Variants in MTHFD1L observed in about 807,000 individuals in gnomAD.
MTHFD1L encodes the protein methylenetetrahydrofolate dehydrogenase (NADP+ dependent) 1 like.
MTHFD1L carries 81 observed loss-of-function variants against 119.5 expected under a neutral mutation model. The ratio of observed to expected loss-of-function variants is 0.68; its 90% CI spans 0.57 to 0.82. MTHFD1L has a LOEUF of 0.82. Among genes scored for constraint, MTHFD1L ranks in the 40% least tolerant of loss-of-function variants. The probability of loss-of-function intolerance (pLI) is 0.00; values close to 1 mark genes in which losing one functional copy is unlikely to be tolerated. For synonymous variants in MTHFD1L, 430 were observed against 475.2 expected (o/e 0.90, Z 1.24); for missense variants, 1,125 against 1,253.4 (o/e 0.90, Z 1.55).
chr6:150,928,115 T>C (rs964600892), intron 11 of MTHFD1L, among the ~76,000 whole-genome samples: 1 of 152,078 alleles, frequency 6.6e-6, no homozygotes, highest in African/African-American at 2.4e-5. Context: ...AGTTCAATTA[T>C]TTATAACCAC....
At chr6:151,090,339 A>G (rs1259304397) in intron 26 of MTHFD1L, among the ~76,000 whole-genome samples, 1 of 152,176 alleles carries the variant, frequency 6.6e-6, no homozygotes, top group African/African-American at 2.4e-5. Context: ...TGAAGTGAGG[A>G]AGGGTGGCTG....
chr6:150,866,759 G>A (rs376286134), intron 1 of MTHFD1L: 1 of 969,306 alleles, frequency 1.0e-6, no homozygotes, highest in Non-Finnish European at 1.2e-6. Flanking sequence ...TTTTCTGCGG[G>A]CCCAGAGCGA....
At chr6:151,028,795 G>C (rs1329115658) in intron 24 of MTHFD1L, among the ~76,000 whole-genome samples, 1 of 152,186 alleles carries the variant, frequency 6.6e-6, no homozygotes, top group African/African-American at 2.4e-5. Context: ...GGTAAATTAG[G>C]CCAGGCATGG....
intron 9 of MTHFD1L, among the ~76,000 whole-genome samples, chr6:150,921,542 T>G (rs1239691231): frequency 6.6e-6 from 1 of 152,078 alleles, no homozygotes; most frequent in Non-Finnish European, 1.5e-5. Context: ...ATGAGCCACC[T>G]CACCTGGCCT....
chr6:151,022,673 G>C (rs181526156), intron 24 of MTHFD1L, among the ~76,000 whole-genome samples: 27 of 152,188 alleles, frequency 1.8e-4, no homozygotes, highest in African/African-American at 6.3e-4. Context: ...GACCTCCCCC[G>C]GCTCTCCCTC....
Position 151,013,838 on chromosome 6 carries a change from G to A in MTHFD1L, c.2307+18G>A. The A allele has an allele frequency of 6.2e-7, 1 of 1,605,070 alleles. No individual in the cohort carries two copies. Among genetic ancestry groups the A allele is most frequent in the African/African-American group, 1.3e-5 (1 of 74,744 alleles). ...CAGAGGAGGTAAGAGGAGCTGTTTA[G>A]ATGCTTATGTGAAGAATCTCTTAAA... On this transcript the variant is annotated intron_variant, in intron 22 of 27. Transcript: ENST00000367321.
intron 26 of MTHFD1L, among the ~76,000 whole-genome samples, chr6:151,037,453 A>G (rs376460078): frequency 3.3e-5 from 5 of 152,146 alleles, no homozygotes; most frequent in African/African-American, 1.2e-4. Flanking sequence ...TATCACACAT[A>G]GCACCCAAAA....
intron 23 of MTHFD1L, 128 bp from the exon 24 acceptor site, chr6:151,015,388 G>A: frequency 9.5e-7 from 1 of 1,047,256 alleles, no homozygotes; most frequent in South Asian, 1.7e-5. Flanking sequence ...TAAACACGAT[G>A]TGACCACTTT....
intron 20 of MTHFD1L, among the ~76,000 whole-genome samples, chr6:150,986,170 G>A (rs1778279429): frequency 6.6e-6 from 1 of 152,168 alleles, no homozygotes; most frequent in Non-Finnish European, 1.5e-5. Context: ...GTTTTACACA[G>A]TGAATTTGAT....
intron 26 of MTHFD1L, among the ~76,000 whole-genome samples, chr6:151,082,557 A>G (rs1346743891): frequency 3.3e-5 from 5 of 152,110 alleles, no homozygotes; most frequent in African/African-American, 1.2e-4. Flanking sequence ...CATAAAATAA[A>G]TACATAATTA....
chr6:150,914,357 A>C (rs1388899508), intron 8 of MTHFD1L, among the ~76,000 whole-genome samples: 1 of 152,208 alleles, frequency 6.6e-6, no homozygotes, highest in African/African-American at 2.4e-5. Flanking sequence ...AACAGTAATT[A>C]AAAGGACCAA....
intron 26 of MTHFD1L, among the ~76,000 whole-genome samples, chr6:151,068,276 T>A (rs150647568): frequency 1.3e-5 from 2 of 152,234 alleles, no homozygotes; most frequent in African/African-American, 4.8e-5. Flanking sequence ...AACAGCCACA[T>A]TGTGATTTTG....
At chr6:150,968,081 C>T (rs1797487091) in intron 19 of MTHFD1L, among the ~76,000 whole-genome samples, 1 of 152,178 alleles carries the variant, frequency 6.6e-6, no homozygotes, top group Non-Finnish European at 1.5e-5. Context: ...TCGCCTCCCT[C>T]TGTTCTCATG....
chr6:150,940,418 T>C (rs1376540232), intron 13 of MTHFD1L, among the ~76,000 whole-genome samples: 2 of 151,966 alleles, frequency 1.3e-5, no homozygotes, highest in East Asian at 3.9e-4. Context: ...GTACCATTCA[T>C]GAGCCAGCAA....
Position 151,002,099 on chromosome 6 carries a change from T to C in MTHFD1L, c.2126-7720T>C, listed in dbSNP as rs531503328. On this transcript the variant is annotated intron_variant, in intron 20 of 27. Transcript: ENST00000367321. ...CTACTTGTTAAATGCTGGAGTATTA[T>C]TGAAGTACCAAGTGTTAAGATTTTC... Among the ~76,000 whole-genome samples the C allele has an allele frequency of 6.6e-5, 10 of 152,330 alleles. No homozygotes were observed. The East Asian group carries it at 1.2e-3, about 18-fold the overall frequency.
At chr6:150,985,660 C>CAAAAAAAAAAAAAAAA (rs71014533) in intron 20 of MTHFD1L, among the ~76,000 whole-genome samples, 3 of 78,962 alleles carry the variant, frequency 3.8e-5, no homozygotes, top group Non-Finnish European at 7.4e-5. Flanking sequence ...GACTCTGTCT[C>CAAAAAAAAAAAAAAAA]AAAAAAAAAA....
At chr6:150,951,685 T>A (rs1220403170) in intron 16 of MTHFD1L, among the ~76,000 whole-genome samples, 1 of 152,210 alleles carries the variant, frequency 6.6e-6, no homozygotes, top group Non-Finnish European at 1.5e-5. Flanking sequence ...TGGACATGAA[T>A]ACTTTAAGCA....
chr6:150,938,858 T>G lies in MTHFD1L; in HGVS notation c.1440+113T>G, dbSNP rs1315508389. The G allele has an allele frequency of 5.4e-6, 7 of 1,306,070 alleles. No homozygotes were observed. The Admixed American group carries it at 1.4e-4, about 26-fold the overall frequency. The allele number at this position is 1,306,070 out of a possible 1,614,324, so 80.9% of individuals were successfully genotyped here. On this transcript the variant is annotated intron_variant, in intron 13 of 27. Coordinates refer to ENST00000367321, the MANE Select transcript of MTHFD1L (RefSeq NM_015440.5). Reference sequence around the variant, plus strand: ...CCCTCATCCATAATCCCAAAGTCATTAAGGCTCTGAAACCCCAAAATGTTT... The same window carrying G: ...CCCTCATCCATAATCCCAAAGTCATGAAGGCTCTGAAACCCCAAAATGTTT...
chr6:150,912,807 G>T, intron 8 of MTHFD1L: 1 of 388,048 alleles, frequency 2.6e-6, no homozygotes, highest in Non-Finnish European at 5.4e-6. Context: ...ATCCTCGTTG[G>T]ACTGTGATCC....
Sources: gnomAD v4.1 joint callset for allele counts (sites outside exome capture counted in the v4.1 genomes callset) on GRCh38, gnomAD v4.1.1 for gene constraint, MANE v1.5 for transcripts, NCBI Gene and HGNC (gene_info 2026-07-23, HGNC 2026-07-21) for gene names.